The following RBFOX1 variants were observed in gnomAD, a reference collection of about 807,000 sequenced individuals.
The protein encoded by RBFOX1 is RNA binding fox-1 homolog 1.
Under a neutral mutation model 57.7 loss-of-function variants are expected in RBFOX1, and 8 were observed. That is an observed-to-expected ratio of 0.14 (90% confidence interval 0.08 to 0.25). The LOEUF (loss-of-function observed/expected upper bound fraction) is 0.25, where lower values mean the gene tolerates loss of function less well. RBFOX1 is among the 10% of genes least tolerant of loss of function. The pLI is 1.00. For missense variants in RBFOX1, 611 were observed against 548.5 expected (o/e 1.11, Z -1.14); for synonymous variants, 326 against 222.4 (o/e 1.47, Z -4.15).
chr16:6,229,861 A>G (rs1157394413), intron 1 of RBFOX1, among the ~76,000 whole-genome samples: 2 of 152,140 alleles, frequency 1.3e-5, no homozygotes, highest in Non-Finnish European at 2.9e-5. Context: ...TTTTCTTTTG[A>G]TAGAATGTGG....
At chr16:5,483,711 A>G (rs2069627181) in intron 2 of RBFOX1, among the ~76,000 whole-genome samples, 2 of 152,180 alleles carry the variant, frequency 1.3e-5, no homozygotes, top group Admixed American at 1.3e-4. Flanking sequence ...GTGAATACAG[A>G]TATGGATGAG....
At chr16:6,957,765 C>T (rs534088920) in intron 3 of RBFOX1, among the ~76,000 whole-genome samples, 26 of 152,258 alleles carry the variant, frequency 1.7e-4, no homozygotes, top group African/African-American at 4.8e-4. Flanking sequence ...GTTCAAACAT[C>T]TGTGACTGTT....
At position 5,248,770 on chromosome 16, in the gene RBFOX1, C is replaced by A. The variant is rs145588729; in HGVS notation, c.219+8665C>A. Among the ~76,000 whole-genome samples the A allele has an allele frequency of 4.4e-3, 672 of 152,216 alleles. 5 individuals are homozygous for A. Among genetic ancestry groups the A allele is most frequent in the African/African-American group, 0.015 (632 of 41,538 alleles). On this transcript the variant is annotated intron_variant, in intron 1 of 2. Coordinates refer to the RBFOX1 transcript ENST00000585867. ...TTTGGGAGGCCAAGGTGGGGGATCA[C>A]CTGAGGTCAGGACTTTGAGACCAGC...
intron 3 of RBFOX1, among the ~76,000 whole-genome samples, chr16:6,947,596 G>GA (rs1286380638): frequency 3.3e-5 from 5 of 152,218 alleles, no homozygotes; most frequent in Non-Finnish European, 7.3e-5. Flanking sequence ...GCTGCCTCCT[G>GA]CCTTGCGTAG....
intron 4 of RBFOX1, among the ~76,000 whole-genome samples, chr16:7,496,702 T>A (rs368437936): frequency 6.8e-6 from 1 of 147,726 alleles, no homozygotes; most frequent in African/African-American, 2.5e-5. Context: ...TTTTTTTTTT[T>A]AAATTTGACC....
chr16:6,789,837 C>G (rs533721306), intron 3 of RBFOX1, among the ~76,000 whole-genome samples: 35 of 152,054 alleles, frequency 2.3e-4, no homozygotes, highest in South Asian at 1.7e-3. Flanking sequence ...TTTCTCCCAC[C>G]TTTTTCTTCA....
chr16:5,464,200 T>A (rs1244557334), intron 1 of RBFOX1, among the ~76,000 whole-genome samples: 3 of 152,034 alleles, frequency 2.0e-5, no homozygotes, highest in Non-Finnish European at 4.4e-5. Flanking sequence ...GGGACACCCA[T>A]GTGGAGAGGC....
chr16:5,785,126 C>T (rs2054456641), intron 3 of RBFOX1, among the ~76,000 whole-genome samples: 1 of 152,190 alleles, frequency 6.6e-6, no homozygotes, highest in Non-Finnish European at 1.5e-5. Flanking sequence ...ATTTATTTTT[C>T]TGGGATAAAT....
chr16:6,586,507 A>G lies in RBFOX1; in HGVS notation c.-63-68096A>G, dbSNP rs8063028. On this transcript the variant is annotated intron_variant, in intron 2 of 15. Transcript: ENST00000550418. ...CCCAACTTGAATGGCCTTAAGGAAAAAAACAGTATTGTCTCATGTGATTGA... is the reference window on the plus strand; with the variant it reads ...CCCAACTTGAATGGCCTTAAGGAAAGAAACAGTATTGTCTCATGTGATTGA... Among the ~76,000 whole-genome samples, 176 of 152,310 alleles carry G rather than the reference A, an allele frequency of 1.2e-3. 1 individual carries two copies. Among genetic ancestry groups the G allele is most frequent in the African/African-American group, 4.1e-3 (171 of 41,566 alleles).
At chr16:6,497,236 A>G (rs530871917) in intron 2 of RBFOX1, among the ~76,000 whole-genome samples, 1 of 152,314 alleles carries the variant, frequency 6.6e-6, no homozygotes, top group Non-Finnish European at 1.5e-5. Flanking sequence ...AGGCTGGAGA[A>G]AGAGGAGGAG....
intron 2 of RBFOX1, among the ~76,000 whole-genome samples, chr16:6,386,858 G>C (rs575975413): frequency 1.3e-5 from 2 of 152,194 alleles, no homozygotes; most frequent in Non-Finnish European, 2.9e-5. Flanking sequence ...AGGAAGGGAA[G>C]TATGGGTGGT....
At chr16:5,350,349 G>A (rs2065235333) in intron 1 of RBFOX1, among the ~76,000 whole-genome samples, 1 of 152,188 alleles carries the variant, frequency 6.6e-6, no homozygotes, top group Non-Finnish European at 1.5e-5. Context: ...GCTCTGTGGG[G>A]ATGTTCTGGG....
In RBFOX1 at chr16:7,051,988, C is replaced by T. The variant is rs576681274; in HGVS notation, c.-15-69C>T. On this transcript the variant is annotated intron_variant, in intron 3 of 15. Transcript: ENST00000550418. Reference sequence around the variant, plus strand: ...GAGCTGAGTAATTAAAAGTAACTTTCTGTTTTCTTTCATGTTTTTCTGATC... The same window carrying T: ...GAGCTGAGTAATTAAAAGTAACTTTTTGTTTTCTTTCATGTTTTTCTGATC... 2.5e-6 allele frequency: 4 copies of T among 1,569,604 alleles called. No individual in the cohort carries two copies. In the African/African-American group the frequency reaches 4.0e-5, roughly 16 times the overall value.
At chr16:7,040,444 A>T (rs1008063895) in intron 3 of RBFOX1, among the ~76,000 whole-genome samples, 1 of 152,216 alleles carries the variant, frequency 6.6e-6, no homozygotes, top group African/African-American at 2.4e-5. Flanking sequence ...CATTTAAATT[A>T]TATTATTATT....
At chr16:5,382,779 T>C (rs1013553376) in intron 1 of RBFOX1, among the ~76,000 whole-genome samples, 4 of 152,270 alleles carry the variant, frequency 2.6e-5, no homozygotes, top group Non-Finnish European at 4.4e-5. Flanking sequence ...CATCAGATAA[T>C]TTATTGAGTG....
chr16:7,297,188 G>A lies in RBFOX1; in HGVS notation c.28-220959G>A, dbSNP rs540751886. Among the ~76,000 whole-genome samples, 271 of 152,258 alleles carry A rather than the reference G, an allele frequency of 1.8e-3. 1 individual carries two copies. The highest frequency in any genetic ancestry group is 6.2e-3 in the African/African-American group (257 of 41,550). On this transcript the variant is annotated intron_variant, in intron 4 of 15. Transcript: ENST00000550418. ...GGGAAGGCAGTTTGGGCCATGGCTT[G>A]TAGGAACAAAAAAGGACAAACTTAT...
chr16:6,244,676 ATTAT>A (rs1334508322), intron 1 of RBFOX1, among the ~76,000 whole-genome samples: 1 of 152,014 alleles, frequency 6.6e-6, no homozygotes, highest in Non-Finnish European at 1.5e-5. Flanking sequence ...CTCCTAGCTA[ATTAT>A]TGTATTTTTA....
intron 5 of RBFOX1, among the ~76,000 whole-genome samples, chr16:7,521,327 T>A (rs1324492922): frequency 2.6e-5 from 4 of 152,170 alleles, no homozygotes; most frequent in Non-Finnish European, 5.9e-5. Flanking sequence ...CCTACAGACC[T>A]GGTGGGTCCA....
chr16:6,763,353 G>C (rs751270678), intron 3 of RBFOX1, among the ~76,000 whole-genome samples: 1 of 152,132 alleles, frequency 6.6e-6, no homozygotes, highest in African/African-American at 2.4e-5. Context: ...CATCACCAGT[G>C]ATTACTTTCC....
Sources: allele counts gnomAD v4.1 joint callset (sites outside exome capture counted in the v4.1 genomes callset), GRCh38; gene constraint gnomAD v4.1.1; transcripts MANE v1.5; gene names NCBI Gene and HGNC (gene_info 2026-07-23, HGNC 2026-07-21).